DNMBP: variants seen among roughly 807,000 people sequenced by gnomAD.
DNMBP encodes the protein dynamin-binding protein.
DNMBP carries 87 observed loss-of-function variants against 150.0 expected under a neutral mutation model. That is an observed-to-expected ratio of 0.58 (90% confidence interval 0.49 to 0.69). The LOEUF (loss-of-function observed/expected upper bound fraction) is 0.69, where lower values mean the gene tolerates loss of function less well. DNMBP is among the 30% of genes least tolerant of loss of function. The pLI is 0.00. For synonymous variants in DNMBP, 711 were observed against 750.4 expected, an observed-to-expected ratio of 0.95 and a Z score of 0.86; for missense variants, 1,774 against 1,949.0, an observed-to-expected ratio of 0.91 and a Z score of 1.69.
At chr10:99,909,259 A>G in intron 4 of DNMBP, 113 bp from the exon 5 acceptor site, 1 of 789,866 alleles carries the variant, frequency 1.3e-6, no homozygotes, top group South Asian at 1.9e-5. Flanking sequence ...ACTATTGTCA[A>G]CCCTCAGGAA....
chr10:99,995,035 A>C (rs1344418471), intron 1 of DNMBP, among the ~76,000 whole-genome samples: 2 of 150,588 alleles, frequency 1.3e-5, no homozygotes, highest in Non-Finnish European at 3.0e-5. Flanking sequence ...GGCATGCGCC[A>C]CTGTGCCCAG....
Position 99,948,594 on chromosome 10 carries a change from A to G in DNMBP, c.2260+6620T>C, listed in dbSNP as rs554499626. Among the ~76,000 whole-genome samples the G allele has an allele frequency of 4.6e-5, 7 of 152,290 alleles. 1 individual carries two copies. The East Asian group carries it at 1.2e-3, about 25-fold the overall frequency. ...AATGAGAACCCATGTGACATCAAAA[A>G]CAGTCCCACTAACACTGAATATCTT... On this transcript the variant is annotated intron_variant, in intron 4 of 16. Coordinates refer to ENST00000324109, the MANE Select transcript of DNMBP (RefSeq NM_015221.4).
intron 6 of DNMBP, among the ~76,000 whole-genome samples, chr10:99,906,752 C>CCAA (rs1468133525): frequency 6.6e-6 from 1 of 152,118 alleles, no homozygotes; most frequent in Non-Finnish European, 1.5e-5. Context: ...GCAGTCCAGG[C>CCAA]CAACAACTGA....
chr10:99,952,968 A>AT (rs2040440910), intron 4 of DNMBP, among the ~76,000 whole-genome samples: 1 of 152,146 alleles, frequency 6.6e-6, no homozygotes, highest in Admixed American at 6.5e-5. Context: ...CTGATGACAC[A>AT]TAAGTTCAAA....
chr10:99,944,909 AT>A (rs2133311384), intron 4 of DNMBP, among the ~76,000 whole-genome samples: 1 of 152,320 alleles, frequency 6.6e-6, no homozygotes, highest in East Asian at 1.9e-4. Context: ...GAAAAAAAAA[AT>A]CTTTAAAATA....
Position 99,899,632 on chromosome 10 carries a change from C to T in DNMBP, c.2702+287G>A, listed in dbSNP as rs546973617. Among the ~76,000 whole-genome samples, 7 of 9,782 alleles carry T rather than the reference C, an allele frequency of 7.2e-4. No individual in the cohort carries two copies. The South Asian group carries it at 0.023, about 33-fold the overall frequency. 6.4% of individuals were successfully genotyped at this position (9,782 alleles called of 152,430 possible). ...TCTGGCCTGGGTGAGAGTGAGACTC[C>T]GTCTCAAAAAAAAAAACCCTGTATT... On this transcript the variant is annotated intron_variant, in intron 7 of 16. Transcript: ENST00000324109.
Position 99,996,392 on chromosome 10 carries a change from C to T in DNMBP, c.-11+13446G>A, listed in dbSNP as rs1195196482. 2.6e-5 allele frequency among the ~76,000 whole-genome samples: 4 copies of T among 152,244 alleles called. No homozygotes were observed. The South Asian group carries it at 6.2e-4, about 24-fold the overall frequency. On this transcript the variant is annotated intron_variant, in intron 1 of 16. Transcript: ENST00000324109. Reference sequence around the variant, plus strand: ...AAAATTGGCCAGGCATGGTGGCACCCGCCTGTAATCCCAGCTACTCAGGAG... The same window carrying T: ...AAAATTGGCCAGGCATGGTGGCACCTGCCTGTAATCCCAGCTACTCAGGAG...
intron 2 of DNMBP, among the ~76,000 whole-genome samples, chr10:99,969,502 A>G (rs1460291716): frequency 2.0e-5 from 3 of 152,244 alleles, no homozygotes; most frequent in African/African-American, 7.2e-5. Context: ...AACATAAGAC[A>G]GTTTTGGTTT....
chr10:99,939,848 C>T (rs2133302524), intron 4 of DNMBP, among the ~76,000 whole-genome samples: 1 of 152,294 alleles, frequency 6.6e-6, no homozygotes, highest in Middle Eastern at 3.4e-3. Context: ...ACTGATGGCT[C>T]CACCTGGACC....
chr10:99,961,544 G>A (rs900335385), intron 3 of DNMBP, among the ~76,000 whole-genome samples: 1 of 148,126 alleles, frequency 6.8e-6, no homozygotes, highest in African/African-American at 2.5e-5. Context: ...TTTCAGGTAT[G>A]AGCCACTGTG....
chr10:99,940,996 T>C (rs888555766), intron 4 of DNMBP, among the ~76,000 whole-genome samples: 2 of 152,188 alleles, frequency 1.3e-5, no homozygotes, highest in Admixed American at 6.5e-5. Flanking sequence ...GTGATTCTCC[T>C]GCCTCAGCCT....
At chr10:99,953,006 T>C (rs943273117) in intron 4 of DNMBP, among the ~76,000 whole-genome samples, 4 of 152,196 alleles carry the variant, frequency 2.6e-5, no homozygotes, top group Non-Finnish European at 5.9e-5. Context: ...AAAAGTGACA[T>C]GTATTCACGT....
chr10:99,939,291 A>C (rs758030534), intron 4 of DNMBP, among the ~76,000 whole-genome samples: 1 of 152,094 alleles, frequency 6.6e-6, no homozygotes, highest in Non-Finnish European at 1.5e-5. Context: ...CCTTGCAAAT[A>C]TCTCTCTTGG....
chr10:99,951,733 T>C (rs1302532039), intron 4 of DNMBP, among the ~76,000 whole-genome samples: 1 of 152,248 alleles, frequency 6.6e-6, no homozygotes, highest in African/African-American at 2.4e-5. Flanking sequence ...ATCCCCATTG[T>C]TTCTAGGAAG....
At chr10:99,938,406 G>A (rs1271682476) in intron 4 of DNMBP, among the ~76,000 whole-genome samples, 1 of 152,140 alleles carries the variant, frequency 6.6e-6, no homozygotes, top group Non-Finnish European at 1.5e-5. Context: ...TTAGCTGGGT[G>A]TGGTGGCAGG....
chr10:99,980,070 T>C (rs756159676), intron 1 of DNMBP, among the ~76,000 whole-genome samples: 11 of 152,322 alleles, frequency 7.2e-5, no homozygotes, highest in East Asian at 1.9e-4. Flanking sequence ...TCTTGCAGAT[T>C]TGTGAGACAT....
Position 99,926,815 on chromosome 10 carries a change from T to C in DNMBP, c.2261-17669A>G, listed in dbSNP as rs377369556. ...CTGGAGGCCAGAAGAGCCCAGCAGA[T>C]AGATCTTCACCAACTGTCTGGCTCT... On this transcript the variant is annotated intron_variant, in intron 4 of 16. Coordinates refer to ENST00000324109, the MANE Select transcript of DNMBP (RefSeq NM_015221.4). Among the ~76,000 whole-genome samples, 14 of 152,200 alleles carry C rather than the reference T, an allele frequency of 9.2e-5. No individual in the cohort carries two copies. The East Asian group carries it at 1.5e-3, about 17-fold the overall frequency.
At chr10:99,892,247 C>G (rs1386045458) in intron 11 of DNMBP, among the ~76,000 whole-genome samples, 6 of 150,522 alleles carry the variant, frequency 4.0e-5, no homozygotes, top group African/African-American at 1.5e-4. Flanking sequence ...ACCACCCCGT[C>G]TGGGAGGTGT....
chr10:99,938,717 A>T (rs768862424), intron 4 of DNMBP, among the ~76,000 whole-genome samples: 1 of 152,186 alleles, frequency 6.6e-6, no homozygotes, highest in Non-Finnish European at 1.5e-5. Context: ...TATGACTCAG[A>T]TCTAAACAAA....
Sources: gnomAD v4.1 joint callset for allele counts (sites outside exome capture counted in the v4.1 genomes callset) on GRCh38, gnomAD v4.1.1 for gene constraint, MANE v1.5 for transcripts, NCBI Gene and HGNC (gene_info 2026-07-23, HGNC 2026-07-21) for gene names.